Variants in LTBP2 observed in about 807,000 individuals in gnomAD.
The protein encoded by LTBP2 is latent-transforming growth factor beta-binding protein 2.
A neutral mutation model predicts 210.6 loss-of-function variants in LTBP2; 103 were observed. The ratio of observed to expected loss-of-function variants is 0.49; its 90% CI spans 0.42 to 0.58. LTBP2 has a LOEUF of 0.58. LTBP2 is among the 20% of genes least tolerant of loss of function. The pLI, the probability that LTBP2 is intolerant of heterozygous loss-of-function variation, is 0.00. For missense variants in LTBP2, 2,313 were observed against 2,494.5 expected, an observed-to-expected ratio of 0.93 and a Z score of 1.55; for synonymous variants, 1,007 against 1,015.0, an observed-to-expected ratio of 0.99 and a Z score of 0.15.
At chr14:74,531,379 C>T (rs894843367) in intron 10 of LTBP2, among the ~76,000 whole-genome samples, 1 of 152,206 alleles carries the variant, frequency 6.6e-6, no homozygotes, top group Non-Finnish European at 1.5e-5. Flanking sequence ...AAACACACCT[C>T]TCTGGTAAAG....
intron 2 of LTBP2, among the ~76,000 whole-genome samples, chr14:74,597,000 G>A (rs182308366): frequency 4.6e-5 from 7 of 152,314 alleles, no homozygotes; most frequent in African/African-American, 1.2e-4. Context: ...TCATTGGCCC[G>A]GAGATGATGT....
intron 8 of LTBP2, among the ~76,000 whole-genome samples, chr14:74,540,877 A>AT (rs1491410493): frequency 5.3e-4 from 42 of 79,514 alleles, no homozygotes; most frequent in South Asian, 4.5e-3. Context: ...TTATATATAT[A>AT]ATATATATAT....
intron 3 of LTBP2, among the ~76,000 whole-genome samples, chr14:74,559,590 T>C (rs950292802): frequency 2.6e-5 from 4 of 152,124 alleles, no homozygotes; most frequent in African/African-American, 7.2e-5. Flanking sequence ...TGGTCTCCAA[T>C]TGGTTACCAC....
intron 2 of LTBP2, among the ~76,000 whole-genome samples, chr14:74,601,384 A>G (rs373292935): frequency 6.6e-6 from 1 of 152,188 alleles, no homozygotes; most frequent in African/African-American, 2.4e-5. Context: ...TGTCTCTACA[A>G]AAAATTAATT....
intron 3 of LTBP2, among the ~76,000 whole-genome samples, chr14:74,563,239 T>G (rs2087818624): frequency 6.6e-6 from 1 of 152,206 alleles, no homozygotes; most frequent in Admixed American, 6.5e-5. Context: ...CCACACTGCT[T>G]TCTTCTTTCC....
At chr14:74,560,304 T>C (rs1388585628) in intron 3 of LTBP2, among the ~76,000 whole-genome samples, 3 of 152,230 alleles carry the variant, frequency 2.0e-5, no homozygotes, top group African/African-American at 7.2e-5. Context: ...TCTTCATTTC[T>C]TTATGGATCA....
intron 9 of LTBP2, among the ~76,000 whole-genome samples, chr14:74,533,352 T>C (rs947870622): frequency 1.3e-5 from 2 of 152,122 alleles, no homozygotes; most frequent in Non-Finnish European, 2.9e-5. Context: ...GTCATTCAGC[T>C]GGAGAGTGGC....
At chr14:74,528,896 C>CA in intron 11 of LTBP2, 62 bp downstream of exon 11, 1 of 1,588,100 alleles carries the variant, frequency 6.3e-7, no homozygotes, top group East Asian at 2.3e-5. Flanking sequence ...CCAGGCCTGG[C>CA]AACATGGTCA....
intron 15 of LTBP2, among the ~76,000 whole-genome samples, chr14:74,524,311 G>A (rs1452061158): frequency 6.6e-6 from 1 of 152,122 alleles, no homozygotes; most frequent in Non-Finnish European, 1.5e-5. Context: ...GTGTGCCTGG[G>A]AAGGCTGGAC....
At chr14:74,575,936 C>T (rs1283379869) in intron 3 of LTBP2, among the ~76,000 whole-genome samples, 1 of 152,226 alleles carries the variant, frequency 6.6e-6, no homozygotes, top group East Asian at 1.9e-4. Flanking sequence ...TCCAAACCCA[C>T]AGCCCCAGGG....
chr14:74,533,128 G>A (rs183500295), intron 9 of LTBP2, among the ~76,000 whole-genome samples: 1 of 152,384 alleles, frequency 6.6e-6, no homozygotes, highest in East Asian at 1.9e-4. Flanking sequence ...TTACAAGCAT[G>A]AGCTGCCTTG....
At chr14:74,523,867 C>T (rs1020901708) in intron 15 of LTBP2, among the ~76,000 whole-genome samples, 3 of 152,038 alleles carry the variant, frequency 2.0e-5, no homozygotes, top group Non-Finnish European at 4.4e-5. Flanking sequence ...ATGGTCTGTA[C>T]GTGGGTATAC....
intron 2 of LTBP2, among the ~76,000 whole-genome samples, chr14:74,597,265 G>A (rs1309565988): frequency 6.6e-6 from 1 of 152,234 alleles, no homozygotes; most frequent in African/African-American, 2.4e-5. Context: ...CACAGTGCCT[G>A]CTGGCACTCA....
chr14:74,589,473 G>A (rs2088251670), intron 2 of LTBP2, among the ~76,000 whole-genome samples: 1 of 152,188 alleles, frequency 6.6e-6, no homozygotes, highest in South Asian at 2.1e-4. Context: ...ACCACAAGTT[G>A]GGCTCTGAGG....
At position 74,506,602 on chromosome 14, in the gene LTBP2, C is replaced by A. The variant is rs898484543; in HGVS notation, c.4033+96G>T. ...CTCCCTTGCCCATGCTCTGGGGACC[C>A]GTGATGGAGCCACGTGACCAGGACC... On this transcript the variant is annotated intron_variant, in intron 27 of 35. Transcript: ENST00000261978. 3 of 1,573,606 alleles carry A rather than the reference C, an allele frequency of 1.9e-6. No individual in the cohort carries two copies. In the East Asian group the frequency reaches 6.7e-5, roughly 35 times the overall value.
intron 2 of LTBP2, among the ~76,000 whole-genome samples, chr14:74,601,463 G>T (rs115663303): frequency 5.3e-5 from 8 of 152,166 alleles, no homozygotes; most frequent in Admixed American, 6.5e-5. Context: ...GACCACTGAG[G>T]GCCTGACCTC....
At chr14:74,592,371 A>G (rs1022971950) in intron 2 of LTBP2, among the ~76,000 whole-genome samples, 1 of 152,148 alleles carries the variant, frequency 6.6e-6, no homozygotes, top group African/African-American at 2.4e-5. Flanking sequence ...TTTTTCCTCA[A>G]TAGTAGAGAT....
At chr14:74,558,763 C>T (rs2087759599) in intron 3 of LTBP2, among the ~76,000 whole-genome samples, 1 of 152,166 alleles carries the variant, frequency 6.6e-6, no homozygotes, top group South Asian at 2.1e-4. Flanking sequence ...GGGTTCAAAT[C>T]CCTTAAGGGC....
intron 3 of LTBP2, among the ~76,000 whole-genome samples, chr14:74,557,831 C>A (rs551826952): frequency 2.0e-5 from 3 of 152,298 alleles, no homozygotes; most frequent in African/African-American, 4.8e-5. Context: ...AATGGGGACA[C>A]CAGGATGCCA....
Sources: allele counts gnomAD v4.1 joint callset (sites outside exome capture counted in the v4.1 genomes callset), GRCh38; gene constraint gnomAD v4.1.1; transcripts MANE v1.5; gene names NCBI Gene and HGNC (gene_info 2026-07-23, HGNC 2026-07-21).